Variants in EBF1 observed in about 807,000 individuals in gnomAD.
EBF1 encodes the protein EBF transcription factor 1, also known as transcription factor COE1.
EBF1 carries 10 observed loss-of-function variants against 68.4 expected under a neutral mutation model. The observed-to-expected ratio is 0.15, with a 90% confidence interval of 0.09 to 0.25. The LOEUF (loss-of-function observed/expected upper bound fraction) is 0.25, where lower values mean the gene tolerates loss of function less well. Ranked by LOEUF, EBF1 falls within the 10% of genes least tolerant of loss-of-function variation. The pLI, the probability that EBF1 is intolerant of heterozygous loss-of-function variation, is 1.00. For missense variants in EBF1, 509 were observed against 794.4 expected (o/e 0.64, Z 4.32); for synonymous variants, 298 against 299.8 (o/e 0.99, Z 0.06).
At chr5:159,087,449 TATAC>T (rs1398387144) in intron 4 of EBF1, among the ~76,000 whole-genome samples, 28 of 149,786 alleles carry the variant, frequency 1.9e-4, no homozygotes, top group Middle Eastern at 3.5e-3. Flanking sequence ...TACATATATA[TATAC>T]ACACACACAC....
chr5:158,745,612 C>T (rs1767391331), intron 10 of EBF1, among the ~76,000 whole-genome samples: 1 of 152,188 alleles, frequency 6.6e-6, no homozygotes, highest in South Asian at 2.1e-4. Context: ...ACATTACTGA[C>T]CCAAAGGCTT....
intron 4 of EBF1, among the ~76,000 whole-genome samples, chr5:159,092,393 T>C (rs886285891): frequency 6.6e-6 from 1 of 152,212 alleles, no homozygotes; most frequent in South Asian, 2.1e-4. Flanking sequence ...AATGAAGGCA[T>C]AGGGATAAGG....
intron 6 of EBF1, among the ~76,000 whole-genome samples, chr5:158,944,136 T>C (rs186213597): frequency 1.7e-4 from 26 of 152,310 alleles, no homozygotes; most frequent in Non-Finnish European, 2.9e-4. Context: ...GTTTGTTACA[T>C]AGGTATACAT....
chr5:158,914,646 AG>A (rs1335830402), intron 6 of EBF1, among the ~76,000 whole-genome samples: 16 of 152,322 alleles, frequency 1.1e-4, no homozygotes, highest in African/African-American at 3.8e-4. Context: ...TTATCAAAAA[AG>A]TTTCTTCGAA....
chr5:159,053,898 T>A (rs1482973388), intron 6 of EBF1, among the ~76,000 whole-genome samples: 1 of 152,214 alleles, frequency 6.6e-6, no homozygotes, highest in Non-Finnish European at 1.5e-5. Flanking sequence ...TAAATTACCA[T>A]CAGATGGCAA....
At chr5:158,761,465 C>T (rs956587886) in intron 10 of EBF1, among the ~76,000 whole-genome samples, 1 of 152,172 alleles carries the variant, frequency 6.6e-6, no homozygotes, top group African/African-American at 2.4e-5. Context: ...TGTTATTTGG[C>T]AGAGAATGCT....
At chr5:158,875,854 A>C (rs1011292483) in intron 6 of EBF1, among the ~76,000 whole-genome samples, 3 of 152,210 alleles carry the variant, frequency 2.0e-5, no homozygotes, top group African/African-American at 7.2e-5. Flanking sequence ...TCCTAAAGTC[A>C]ATTTTAGCAT....
At chr5:158,785,392 T>C (rs1007650114) in intron 9 of EBF1, among the ~76,000 whole-genome samples, 5 of 152,192 alleles carry the variant, frequency 3.3e-5, no homozygotes, top group Non-Finnish European at 5.9e-5. Context: ...TGAACCTCCA[T>C]ATTATATCTC....
chr5:158,946,397 A>G (rs1415801076), intron 6 of EBF1, among the ~76,000 whole-genome samples: 3 of 151,982 alleles, frequency 2.0e-5, no homozygotes, highest in Non-Finnish European at 4.4e-5. Context: ...TGATGTTGAT[A>G]CTATTGCTTT....
intron 6 of EBF1, among the ~76,000 whole-genome samples, chr5:158,945,603 C>A (rs1176752345): frequency 2.6e-5 from 4 of 152,228 alleles, no homozygotes; most frequent in Non-Finnish European, 4.4e-5. Flanking sequence ...CTGTCCTTAA[C>A]ATTTTTTCCT....
At chr5:158,914,216 G>A (rs1449726863) in intron 6 of EBF1, among the ~76,000 whole-genome samples, 1 of 152,084 alleles carries the variant, frequency 6.6e-6, no homozygotes, top group Non-Finnish European at 1.5e-5. Context: ...GTAGGTGGTG[G>A]GGGCAGTGCT....
At chr5:158,867,448 A>G (rs550052890) in intron 6 of EBF1, among the ~76,000 whole-genome samples, 160 of 152,286 alleles carry the variant, frequency 1.1e-3, no homozygotes, top group African/African-American at 3.8e-3. Context: ...GTGTTTCTTT[A>G]ACTGGCGACC....
intron 6 of EBF1, among the ~76,000 whole-genome samples, chr5:158,992,577 A>G (rs1352810593): frequency 6.6e-6 from 1 of 152,220 alleles, no homozygotes; most frequent in Non-Finnish European, 1.5e-5. Context: ...GCATTGTCAA[A>G]CCAATTAAAG....
intron 6 of EBF1, among the ~76,000 whole-genome samples, chr5:158,937,969 T>C (rs1430110704): frequency 1.3e-5 from 2 of 152,150 alleles, no homozygotes; most frequent in Admixed American, 6.5e-5. Flanking sequence ...TGGCTGCCAG[T>C]CAGAGCCATG....
At chr5:158,704,619 T>A (rs891960009) in intron 15 of EBF1, among the ~76,000 whole-genome samples, 2 of 151,702 alleles carry the variant, frequency 1.3e-5, no homozygotes, top group Non-Finnish European at 2.9e-5. Flanking sequence ...CCTGCCTTCA[T>A]CCTTTTTTTC....
At chr5:158,851,629 A>AAT (rs1792754033) in intron 6 of EBF1, among the ~76,000 whole-genome samples, 1 of 67,712 alleles carries the variant, frequency 1.5e-5, no homozygotes, top group African/African-American at 6.2e-5. Flanking sequence ...AAGGGCAGGG[A>AAT]AGAAAGGAAG....
chr5:158,881,136 A>T (rs145586314), intron 6 of EBF1, among the ~76,000 whole-genome samples: 9 of 152,334 alleles, frequency 5.9e-5, no homozygotes, highest in Non-Finnish European at 1.0e-4. Flanking sequence ...TTTACATTAG[A>T]AACACTTCGT....
chr5:158,898,050 G>T (rs1802509765), intron 6 of EBF1, among the ~76,000 whole-genome samples: 1 of 152,182 alleles, frequency 6.6e-6, no homozygotes. Context: ...GGAATCTTTT[G>T]TTGGAGTTTT....
chr5:158,732,175 T>G (rs1764230682), intron 10 of EBF1, among the ~76,000 whole-genome samples: 1 of 152,188 alleles, frequency 6.6e-6, no homozygotes, highest in Non-Finnish European at 1.5e-5. Context: ...ACCATGTATT[T>G]TCTCACATGC....
Sources: gnomAD v4.1 joint callset for allele counts (sites outside exome capture counted in the v4.1 genomes callset) on GRCh38, gnomAD v4.1.1 for gene constraint, MANE v1.5 for transcripts, NCBI Gene and HGNC (gene_info 2026-07-23, HGNC 2026-07-21) for gene names.